OSTF1: variants seen among roughly 807,000 people sequenced by gnomAD.
OSTF1 encodes the protein osteoclast-stimulating factor 1.
In OSTF1, 27 loss-of-function variants were observed where a neutral mutation model predicts 37.2. The ratio of observed to expected loss-of-function variants is 0.73; its 90% CI spans 0.54 to 1.00. OSTF1 has a LOEUF of 1.00. Ranked by LOEUF, OSTF1 falls within the 50% of genes least tolerant of loss-of-function variation. The pLI is 0.00. For missense variants in OSTF1, 232 were observed against 253.8 expected, an observed-to-expected ratio of 0.91 and a Z score of 0.58; for synonymous variants, 82 against 89.2, an observed-to-expected ratio of 0.92 and a Z score of 0.46.
At chr9:75,137,658 A>G in intron 8 of OSTF1, 42 bp downstream of exon 8, 1 of 1,236,708 alleles carries the variant, frequency 8.1e-7, no homozygotes, top group Non-Finnish European at 1.2e-6. Context: ...GCTTGCCCTG[A>G]AAAATAGTCT....
At chr9:75,125,228 G>A (rs1825643426) in intron 2 of OSTF1, among the ~76,000 whole-genome samples, 2 of 152,170 alleles carry the variant, frequency 1.3e-5, no homozygotes, top group Non-Finnish European at 2.9e-5. Flanking sequence ...GGGCAGAGGT[G>A]GCTGCTGAGT....
chr9:75,094,735 A>G (rs78568184), intron 1 of OSTF1, among the ~76,000 whole-genome samples: 22 of 152,292 alleles, frequency 1.4e-4, no homozygotes, highest in Non-Finnish European at 1.6e-4. Context: ...CTCTTATCAA[A>G]TTAAAGGAGT....
intron 2 of OSTF1, among the ~76,000 whole-genome samples, chr9:75,119,978 A>G (rs1825553356): frequency 1.3e-5 from 2 of 151,072 alleles, no homozygotes; most frequent in Admixed American, 6.6e-5. Flanking sequence ...AAAAAAAAAA[A>G]GATATGAGTC....
chr9:75,124,555 A>G (rs1825632378), intron 2 of OSTF1, among the ~76,000 whole-genome samples: 1 of 152,158 alleles, frequency 6.6e-6, no homozygotes, highest in Non-Finnish European at 1.5e-5. Flanking sequence ...GCTTATTTCC[A>G]AATTAACCAT....
chr9:75,094,518 C>T (rs1057033495), intron 1 of OSTF1, among the ~76,000 whole-genome samples: 6 of 152,096 alleles, frequency 3.9e-5, no homozygotes, highest in Non-Finnish European at 8.8e-5. Context: ...CTGGGGTCCC[C>T]TCCCTTGGCG....
intron 9 of OSTF1, among the ~76,000 whole-genome samples, chr9:75,144,319 G>A (rs759940871): frequency 2.0e-5 from 3 of 152,152 alleles, no homozygotes; most frequent in African/African-American, 7.2e-5. Flanking sequence ...ACTTTGGGAG[G>A]CAGGGAGGAT....
At chr9:75,123,808 C>T (rs975931934) in intron 2 of OSTF1, among the ~76,000 whole-genome samples, 5 of 152,058 alleles carry the variant, frequency 3.3e-5, no homozygotes, top group African/African-American at 1.2e-4. Flanking sequence ...TGTAATTTCT[C>T]GGGATGAAAA....
rs1258349476 is a variant in OSTF1 at position 75,140,932 on chromosome 9, G to A, written c.586G>A (p.Asp196Asn). ...ASLLKKKQGTDAVRTLSNAED... is the reference protein window; with the variant it reads ...ASLLKKKQGTNAVRTLSNAED... ...TCTCCTGAAAAAGAAACAGGGAACA[G>A]GTATTTGTTTTAAATTCTTCTTTCT... Residue 196 changes from aspartate to asparagine, a missense_variant and splice_region_variant, in exon 9 of 10, where the codon GAT (aspartate) becomes AAT (asparagine). By Grantham distance (23) the Asp-to-Asn change is conservative. Coordinates refer to ENST00000346234, the MANE Select transcript of OSTF1 (RefSeq NM_012383.5). The A allele has an allele frequency of 6.2e-7, 1 of 1,603,080 alleles. No homozygotes were observed. Among genetic ancestry groups the A allele is most frequent in the African/African-American group, 1.3e-5 (1 of 74,668 alleles).
At chr9:75,114,552 TA>T (rs1323857356) in intron 1 of OSTF1, among the ~76,000 whole-genome samples, 2 of 111,916 alleles carry the variant, frequency 1.8e-5, no homozygotes, top group African/African-American at 7.2e-5. Flanking sequence ...TATTTAATAT[TA>T]ATTTTTTTTT....
chr9:75,122,417 G>C (rs964112923), intron 2 of OSTF1, among the ~76,000 whole-genome samples: 1 of 152,230 alleles, frequency 6.6e-6, no homozygotes, highest in Admixed American at 6.5e-5. Flanking sequence ...CTAGTGAGTT[G>C]TGAGGACCAA....
chr9:75,117,622 G>A, intron 2 of OSTF1, 72 bp downstream of exon 2: 2 of 1,081,382 alleles, frequency 1.8e-6, no homozygotes, highest in East Asian at 4.7e-5. Flanking sequence ...CATTTCCTCT[G>A]GTGTGAATGG....
At chr9:75,117,639 T>A in intron 2 of OSTF1, 89 bp downstream of exon 2, 2 of 936,756 alleles carry the variant, frequency 2.1e-6, no homozygotes, top group East Asian at 2.4e-5. Context: ...ATGGTCTGCC[T>A]TTTCTTTGAT....
At chr9:75,096,127 C>T (rs966292306) in intron 1 of OSTF1, among the ~76,000 whole-genome samples, 1 of 152,066 alleles carries the variant, frequency 6.6e-6, no homozygotes, top group Admixed American at 6.6e-5. Context: ...TCCTGACCTC[C>T]GTGATCCACC....
At chr9:75,092,776 A>G (rs1393366996) in intron 1 of OSTF1, among the ~76,000 whole-genome samples, 1 of 152,144 alleles carries the variant, frequency 6.6e-6, no homozygotes, top group African/African-American at 2.4e-5. Context: ...CTTCCGTTTG[A>G]AAAGTCTTGC....
intron 1 of OSTF1, among the ~76,000 whole-genome samples, chr9:75,105,772 T>C (rs1436441920): frequency 1.3e-5 from 2 of 152,206 alleles, no homozygotes; most frequent in South Asian, 2.1e-4. Flanking sequence ...CTCTGTTTTT[T>C]ACCCAGTGAA....
At chr9:75,110,229 A>G (rs1000157616) in intron 1 of OSTF1, among the ~76,000 whole-genome samples, 1 of 152,144 alleles carries the variant, frequency 6.6e-6, no homozygotes, top group African/African-American at 2.4e-5. Context: ...TGCCCTAAAC[A>G]TCCACTGTAC....
rs10869500 is a variant in OSTF1, at chr9:75,092,779, A to C, written c.34+4053A>C. On this transcript the variant is annotated intron_variant, in intron 1 of 9. Coordinates refer to ENST00000346234, the MANE Select transcript of OSTF1 (RefSeq NM_012383.5). ...ACAGCGTCTCAGCTTCCGTTTGAAAAGTCTTGCTGTTGGTTGGCATATGTT... is the reference window on the plus strand; with the variant it reads ...ACAGCGTCTCAGCTTCCGTTTGAAACGTCTTGCTGTTGGTTGGCATATGTT... Among the ~76,000 whole-genome samples the C allele has an allele frequency of 4.3e-4, 65 of 151,924 alleles. 1 individual carries two copies. Among genetic ancestry groups the C allele is most frequent in the Middle Eastern group, 3.4e-3 (1 of 294 alleles).
intron 5 of OSTF1, 86 bp downstream of exon 5, chr9:75,131,909 T>TA (rs1825767236): frequency 1.1e-6 from 1 of 908,120 alleles, no homozygotes; most frequent in Admixed American, 1.9e-5. Context: ...TACACCCACG[T>TA]AACCAACACC....
chr9:75,125,208 C>T (rs7857206), intron 2 of OSTF1, among the ~76,000 whole-genome samples: 4,141 of 152,182 alleles, frequency 0.027, 172 homozygotes, highest in African/African-American at 0.089. Flanking sequence ...TTAATGTGGG[C>T]GGGAGGTTGG....
Sources: allele counts gnomAD v4.1 joint callset (sites outside exome capture counted in the v4.1 genomes callset), GRCh38; gene constraint gnomAD v4.1.1; transcripts MANE v1.5; gene names NCBI Gene and HGNC (gene_info 2026-07-23, HGNC 2026-07-21).